The following TPO variants were observed in gnomAD, a reference collection of about 807,000 sequenced individuals.
TPO encodes thyroid peroxidase, also known as thyroid microsomal antigen.
A neutral mutation model predicts 96.9 loss-of-function variants in TPO; 78 were observed. That is an observed-to-expected ratio of 0.81 (90% CI 0.67 to 0.97). The LOEUF (loss-of-function observed/expected upper bound fraction) is 0.97, where lower values mean the gene tolerates loss of function less well. Among genes scored for constraint, TPO ranks in the 50% least tolerant of loss-of-function variants. TPO has a pLI of 0.00. For synonymous variants in TPO, 547 were observed against 538.0 expected (o/e 1.02, Z -0.23); for missense variants, 1,252 against 1,274.8 (o/e 0.98, Z 0.27).
At chr2:1,440,179 C>G (rs1274310448) in intron 5 of TPO, among the ~76,000 whole-genome samples, 6 of 152,006 alleles carry the variant, frequency 3.9e-5, no homozygotes, top group African/African-American at 1.5e-4. Context: ...TGCTGCGTTT[C>G]CACCGTGCTG....
chr2:1,480,835 C>T (rs375903744), intron 8 of TPO, among the ~76,000 whole-genome samples: 2 of 152,334 alleles, frequency 1.3e-5, no homozygotes, highest in East Asian at 3.9e-4. Flanking sequence ...CCTGCTGCTG[C>T]GTCTGTCCTC....
chr2:1,417,219 C>T (rs1470881804), intron 2 of TPO, among the ~76,000 whole-genome samples: 1 of 143,326 alleles, frequency 7.0e-6, no homozygotes, highest in East Asian at 2.1e-4. Context: ...AGGCCAGTGC[C>T]GTGACTCACA....
intron 8 of TPO, chr2:1,478,006 C>T (rs1318834221): frequency 1.0e-5 from 10 of 985,458 alleles, no homozygotes; most frequent in Non-Finnish European, 1.2e-5. Flanking sequence ...CAGATTTCAA[C>T]TCATTTAATA....
At chr2:1,482,314 T>C (rs749776268) in intron 8 of TPO, among the ~76,000 whole-genome samples, 2 of 152,052 alleles carry the variant, frequency 1.3e-5, no homozygotes, top group African/African-American at 2.4e-5. Flanking sequence ...TTCCCACTGG[T>C]GAGTTGTGAA....
rs1232312865 is a variant in TPO, at chr2:1,487,938, C to T, written c.1715C>T (p.Thr572Ile). Residue 572 changes from threonine (T) to isoleucine (I), a missense_variant, in exon 10 of 17, where the codon ACC becomes ATC. By Grantham distance (89) the Thr-to-Ile change is moderately conservative. Transcript: ENST00000329066. The part of the protein sequence containing the change: ...ERLFVLSNSS[T>I]LDLASINLQR... Reference sequence around the variant, plus strand: ...CTCTTTGTGCTGTCCAATTCCAGCACCTTGGATCTGGCGTCCATCAACCTG... The same window carrying T: ...CTCTTTGTGCTGTCCAATTCCAGCATCTTGGATCTGGCGTCCATCAACCTG... 6.2e-7 allele frequency: 1 copy of T among 1,614,022 alleles called. No homozygotes were observed. The highest frequency in any genetic ancestry group is 1.3e-5 in the African/African-American group (1 of 74,934).
chr2:1,535,795 CCG>C, intron 15 of TPO, among the ~76,000 whole-genome samples: 4 of 95,898 alleles, frequency 4.2e-5, no homozygotes, highest in Admixed American at 1.3e-4. Flanking sequence ...TGTGCAACCT[CCG>C]CCATCCCTCC....
intron 7 of TPO, among the ~76,000 whole-genome samples, chr2:1,463,354 C>T (rs1298454057): frequency 1.3e-5 from 2 of 152,212 alleles, no homozygotes; most frequent in Non-Finnish European, 2.9e-5. Context: ...ATAGATGACA[C>T]ATCATAAATC....
At position 1,453,407 on chromosome 2, in the gene TPO, A is replaced by G. The variant is rs144331365; in HGVS notation, c.483-287A>G. ...AGAAGGGTGGGAGACCCTCCTTCGG[A>G]AAACAGGGGAGTGGGAAGGAACCCT... On this transcript the variant is annotated intron_variant, in intron 5 of 16. Coordinates refer to ENST00000329066, the MANE Select transcript of TPO (RefSeq NM_001206744.2). 4.8e-3 allele frequency among the ~76,000 whole-genome samples: 737 copies of G among 152,290 alleles called. 2 individuals carry two copies. The highest frequency in any genetic ancestry group is 7.7e-3 in the Non-Finnish European group (521 of 68,012).
chr2:1,526,330 C>A lies in TPO; in HGVS notation c.2618+9348C>A, dbSNP rs184472601. On this transcript the variant is annotated intron_variant, in intron 15 of 16. Coordinates refer to ENST00000329066, the MANE Select transcript of TPO (RefSeq NM_001206744.2). ...CCCCACTGTGAGCAAAACCACAAAT[C>A]CCCCCAGTGTGTGCAACCTCAATTC... Among the ~76,000 whole-genome samples the A allele has an allele frequency of 7.7e-5, 8 of 103,524 alleles. No homozygotes were observed. In the East Asian group the frequency reaches 2.2e-3, roughly 29 times the overall value. The allele number at this position is 103,524 out of a possible 152,430, so 67.9% of individuals were successfully genotyped here.
intron 5 of TPO, among the ~76,000 whole-genome samples, chr2:1,442,796 G>A (rs1189981176): frequency 3.3e-5 from 5 of 152,230 alleles, no homozygotes; most frequent in African/African-American, 1.2e-4. Flanking sequence ...AGGCTGAAGT[G>A]AGACAATGCA....
chr2:1,393,300 A>G (rs570462527), intron 1 of TPO, among the ~76,000 whole-genome samples: 1 of 152,328 alleles, frequency 6.6e-6, no homozygotes, highest in East Asian at 1.9e-4. Context: ...CTGCTAACCC[A>G]TTCGTGAGAA....
chr2:1,429,738 G>A (rs887640539), intron 3 of TPO, among the ~76,000 whole-genome samples: 6 of 152,216 alleles, frequency 3.9e-5, no homozygotes, highest in Non-Finnish European at 7.3e-5. Context: ...TGTCCAAGTC[G>A]TGGGCATCTA....
intron 1 of TPO, among the ~76,000 whole-genome samples, chr2:1,380,152 T>C (rs1041968499): frequency 2.6e-5 from 4 of 152,182 alleles, no homozygotes; most frequent in Non-Finnish European, 5.9e-5. Context: ...CCCAGCACTT[T>C]GGGAGGCCGA....
intron 7 of TPO, among the ~76,000 whole-genome samples, chr2:1,473,364 G>A (rs1669612494): frequency 6.6e-6 from 1 of 152,282 alleles, no homozygotes; most frequent in Middle Eastern, 3.4e-3. Flanking sequence ...AAGAACTGGG[G>A]TCTGGTTCTG....
intron 14 of TPO, among the ~76,000 whole-genome samples, chr2:1,508,547 T>C: frequency 1.3e-5 from 2 of 151,918 alleles, no homozygotes; most frequent in African/African-American, 4.8e-5. Context: ...CTATTGATTA[T>C]TGCCTCAATT....
In TPO at chr2:1,397,959, G is replaced by T. The variant is rs576968042; in HGVS notation, n.180+23557G>T. ...CCAGAGTTCCAAATATGCACCTTGT[G>T]CAGAAAAAAGTACTTCCCATGCCAC... is the stretch of plus-strand genomic sequence containing the variant. On this transcript the variant is annotated intron_variant and non_coding_transcript_variant, in intron 1 of 5. Transcript: ENST00000497517. 2.4e-4 allele frequency among the ~76,000 whole-genome samples: 37 copies of T among 152,296 alleles called. No individual in the cohort carries two copies. In the South Asian group the frequency reaches 4.3e-3, roughly 18 times the overall value.
intron 15 of TPO, among the ~76,000 whole-genome samples, chr2:1,528,789 C>CCT (rs1677256466): frequency 7.1e-6 from 1 of 141,610 alleles, no homozygotes. Context: ...CTGTGTGCAA[C>CCT]CTCCTCCAAT....
At chr2:1,539,946 T>C (rs1282292037) in intron 15 of TPO, among the ~76,000 whole-genome samples, 1 of 152,156 alleles carries the variant, frequency 6.6e-6, no homozygotes, top group Non-Finnish European at 1.5e-5. Context: ...GCTGTTAAGT[T>C]CTGATGGAAA....
intron 9 of TPO, among the ~76,000 whole-genome samples, chr2:1,486,250 G>A (rs1000633367): frequency 6.6e-6 from 1 of 152,126 alleles, no homozygotes; most frequent in Non-Finnish European, 1.5e-5. Context: ...GCTCAGGCAC[G>A]GTGGCTTACA....
Sources: allele counts gnomAD v4.1 joint callset (sites outside exome capture counted in the v4.1 genomes callset), GRCh38; gene constraint gnomAD v4.1.1; transcripts MANE v1.5; gene names NCBI Gene and HGNC (gene_info 2026-07-23, HGNC 2026-07-21).